The following BACE2 variants were observed in gnomAD, a reference collection of about 807,000 sequenced individuals.
BACE2 encodes 56 kDa aspartic-like protease.
A neutral mutation model predicts 46.2 loss-of-function variants in BACE2; 17 were observed. That is an observed-to-expected ratio of 0.37 (90% CI 0.25 to 0.55). The LOEUF is 0.55. Ranked by LOEUF, BACE2 falls within the 20% of genes least tolerant of loss-of-function variation. The pLI is 0.82. For missense variants in BACE2, 595 were observed against 698.1 expected (o/e 0.85, Z 1.66); for synonymous variants, 277 against 295.9 (o/e 0.94, Z 0.66).
chr21:41,211,162 T>G, intron 1 of BACE2, among the ~76,000 whole-genome samples: 1 of 149,104 alleles, frequency 6.7e-6, no homozygotes, highest in African/African-American at 2.5e-5. Flanking sequence ...CCATCCCCAT[T>G]CCCCCCTCCC....
At chr21:41,247,302 G>T (rs1331340099) in intron 6 of BACE2, among the ~76,000 whole-genome samples, 3 of 152,154 alleles carry the variant, frequency 2.0e-5, no homozygotes. Flanking sequence ...AAGGACGCGG[G>T]CTCTTTTCGA....
At chr21:41,251,411 T>C (rs1369567862) in intron 7 of BACE2, among the ~76,000 whole-genome samples, 1 of 152,224 alleles carries the variant, frequency 6.6e-6, no homozygotes, top group Non-Finnish European at 1.5e-5. Flanking sequence ...GGAGCCGCAT[T>C]GCCAAGGGTG....
intron 1 of BACE2, among the ~76,000 whole-genome samples, chr21:41,220,066 C>G (rs1232016617): frequency 6.6e-6 from 1 of 152,128 alleles, no homozygotes; most frequent in African/African-American, 2.4e-5. Context: ...TTCCAGGATC[C>G]TATCCTTGGT....
chr21:41,275,751 C>T lies in BACE2; in HGVS notation c.*127C>T, dbSNP rs1173633864. 8 of 1,084,970 alleles carry T rather than the reference C, an allele frequency of 7.4e-6. No individual in the cohort carries two copies. The highest frequency in any genetic ancestry group is 7.8e-6 in the Non-Finnish European group (6 of 771,356). The allele number at this position is 1,084,970 out of a possible 1,614,324, so 67.2% of individuals were successfully genotyped here. A position where few individuals can be genotyped will look rare whatever the true frequency, so the allele number is the denominator to read the frequency against. ...ACCCGTCTTCAATCTCTGTTCTGCTCCCAGATGCCTTCTAGATTCACTGTC... is the reference window on the plus strand; with the variant it reads ...ACCCGTCTTCAATCTCTGTTCTGCTTCCAGATGCCTTCTAGATTCACTGTC... On this transcript the variant is annotated 3_prime_UTR_variant, in exon 9 of 9. Transcript: ENST00000330333.
chr21:41,265,671 A>G (rs58202245), intron 8 of BACE2, among the ~76,000 whole-genome samples: 210 of 152,270 alleles, frequency 1.4e-3, no homozygotes, highest in African/African-American at 4.7e-3. Context: ...ATTAATTTGT[A>G]GGAACTCTTT....
At chr21:41,212,950 T>G (rs1024751844) in intron 1 of BACE2, among the ~76,000 whole-genome samples, 1 of 152,232 alleles carries the variant, frequency 6.6e-6, no homozygotes. Context: ...AAAATCTAAA[T>G]TAATTCTTTG....
chr21:41,263,524 CT>C (rs1987992958), intron 8 of BACE2, among the ~76,000 whole-genome samples: 1 of 152,116 alleles, frequency 6.6e-6, no homozygotes, highest in African/African-American at 2.4e-5. Flanking sequence ...GAAGAGTGTG[CT>C]TTTGGATGTC....
chr21:41,272,270 A>G (rs2123652190), intron 8 of BACE2, among the ~76,000 whole-genome samples: 1 of 151,890 alleles, frequency 6.6e-6, no homozygotes, highest in East Asian at 1.9e-4. Flanking sequence ...ACTGGTTTTC[A>G]GCAGTGCGCT....
intron 8 of BACE2, among the ~76,000 whole-genome samples, chr21:41,267,514 T>C (rs2088390928): frequency 6.6e-6 from 1 of 152,176 alleles, no homozygotes; most frequent in African/African-American, 2.4e-5. Context: ...CTTGTACAAC[T>C]TGAGGCACAT....
chr21:41,218,452 C>T (rs1420951620), intron 1 of BACE2, among the ~76,000 whole-genome samples: 3 of 152,026 alleles, frequency 2.0e-5, no homozygotes, highest in Non-Finnish European at 4.4e-5. Context: ...GGGTGGGGCC[C>T]GTGGGAGGCT....
At chr21:41,269,411 T>C (rs2088413261) in intron 8 of BACE2, among the ~76,000 whole-genome samples, 1 of 152,300 alleles carries the variant, frequency 6.6e-6, no homozygotes, top group South Asian at 2.1e-4. Context: ...GTTTGATAAG[T>C]GTTATATGTG....
Position 41,243,523 on chromosome 21 carries a change from T to C in BACE2, c.882+13T>C. The stretch of plus-strand genomic sequence containing the variant: ...GGACTGCAGAGAGGTATTTATGCTA[T>C]GGTCTCTGTTGTGTCTTTCTGTGTA... On this transcript the variant is annotated intron_variant, in intron 5 of 8. Transcript: ENST00000330333. The C allele has an allele frequency of 6.3e-7, 1 of 1,599,342 alleles. No homozygotes were observed. Among genetic ancestry groups the C allele is most frequent in the Non-Finnish European group, 8.5e-7 (1 of 1,174,294 alleles).
At chr21:41,231,805 A>C (rs1249184682) in intron 2 of BACE2, among the ~76,000 whole-genome samples, 1 of 152,162 alleles carries the variant, frequency 6.6e-6, no homozygotes, top group Non-Finnish European at 1.5e-5. Flanking sequence ...CCATGTATTT[A>C]ATTATTGTGC....
At chr21:41,171,380 C>T (rs1220758333) in intron 1 of BACE2, among the ~76,000 whole-genome samples, 2 of 152,162 alleles carry the variant, frequency 1.3e-5, no homozygotes, top group Admixed American at 1.3e-4. Flanking sequence ...GCTTGTTCCC[C>T]GAAGGCTTTA....
intron 8 of BACE2, among the ~76,000 whole-genome samples, chr21:41,269,537 C>T (rs1003536696): frequency 1.3e-5 from 2 of 152,140 alleles, no homozygotes; most frequent in Admixed American, 1.3e-4. Context: ...ACTGACGTGC[C>T]TTCTGTCACT....
chr21:41,204,920 A>G lies in BACE2; in HGVS notation c.313-21346A>G, dbSNP rs570102366. Among the ~76,000 whole-genome samples, 8 of 152,356 alleles carry G rather than the reference A, an allele frequency of 5.3e-5. No homozygotes were observed. The South Asian group carries it at 1.4e-3, about 28-fold the overall frequency. On this transcript the variant is annotated intron_variant, in intron 1 of 8. Coordinates refer to ENST00000330333, the MANE Select transcript of BACE2 (RefSeq NM_012105.5). ...GAAGAGAATAATATCTTTGATCACT[A>G]TATGCCTATTAAAATACTTTTTTTT...
rs1468035402 is a variant in BACE2 at position 41,193,076 on chromosome 21, A to G, written c.312+24501A>G. On this transcript the variant is annotated intron_variant, in intron 1 of 8. Transcript: ENST00000330333. This position sits in a 1 kb window ranked among gnomAD's most constrained non-coding sequence, Gnocchi z 4.2. ...TGCTACTTCTTGCTCACTGGATCCAATCAGCATAATGTCATCAAACTAATG... is the reference window on the plus strand; with the variant it reads ...TGCTACTTCTTGCTCACTGGATCCAGTCAGCATAATGTCATCAAACTAATG... Among the ~76,000 whole-genome samples, 3 of 152,200 alleles carry G rather than the reference A, an allele frequency of 2.0e-5. No individual in the cohort carries two copies. Among genetic ancestry groups the G allele is most frequent in the Non-Finnish European group, 2.9e-5 (2 of 68,040 alleles).
chr21:41,179,744 G>A, intron 1 of BACE2: 5 of 1,038,510 alleles, frequency 4.8e-6, no homozygotes, highest in Non-Finnish European at 6.6e-6. Flanking sequence ...TCAAGCTGAG[G>A]GTGCCTGGTG....
intron 7 of BACE2, among the ~76,000 whole-genome samples, chr21:41,252,760 G>A (rs1305286916): frequency 1.3e-5 from 2 of 152,188 alleles, no homozygotes; most frequent in Non-Finnish European, 2.9e-5. Context: ...TTGGACTGCA[G>A]GGACAAGGAA....
Sources: gnomAD v4.1 joint callset for allele counts (sites outside exome capture counted in the v4.1 genomes callset) on GRCh38, gnomAD v4.1.1 for gene constraint, Gnocchi (gnomAD v3.1) non-coding constraint, MANE v1.5 for transcripts, NCBI Gene and HGNC (gene_info 2026-07-23, HGNC 2026-07-21) for gene names.